GSE1: variants seen among roughly 807,000 people sequenced by gnomAD.
The protein encoded by GSE1 is genetic suppressor element 1.
GSE1 carries 32 observed loss-of-function variants against 112.6 expected under a neutral mutation model. The ratio of observed to expected loss-of-function variants is 0.28; its 90% confidence interval spans 0.21 to 0.38. GSE1 has a LOEUF of 0.38. Among genes scored for constraint, GSE1 ranks in the 10% least tolerant of loss-of-function variants. GSE1 has a pLI of 1.00. For synonymous variants in GSE1, 1,115 were observed against 735.6 expected, an observed-to-expected ratio of 1.52 and a Z score of -8.35; for missense variants, 2,348 against 1,699.2, an observed-to-expected ratio of 1.38 and a Z score of -6.71.
At chr16:85,593,771 T>C (rs2047096441) in intron 1 of GSE1, 1 of 152,220 alleles carries the variant, frequency 6.6e-6, no homozygotes, top group African/African-American at 2.4e-5. Context: ...TGTGGTTAAG[T>C]GGTAAATCAT....
At chr16:85,238,580 C>G (rs1481489708) in intron 1 of GSE1, among the ~76,000 whole-genome samples, 2 of 152,302 alleles carry the variant, frequency 1.3e-5, no homozygotes, top group East Asian at 1.9e-4. Context: ...AGCTCTGCCC[C>G]CACTGGGGCC....
intron 1 of GSE1, among the ~76,000 whole-genome samples, chr16:85,236,590 G>T (rs997235283): frequency 6.6e-6 from 1 of 152,162 alleles, no homozygotes; most frequent in Non-Finnish European, 1.5e-5. Flanking sequence ...AGGCCTGGGG[G>T]TGGGTTGGGC....
chr16:85,315,293 A>G (rs1052533158), intron 1 of GSE1, among the ~76,000 whole-genome samples: 3 of 152,224 alleles, frequency 2.0e-5, no homozygotes, highest in Non-Finnish European at 4.4e-5. Flanking sequence ...GCTCTCCTGC[A>G]GTCCGGTCTC....
At chr16:85,297,202 C>CA (rs1454868032) in intron 1 of GSE1, among the ~76,000 whole-genome samples, 2 of 152,240 alleles carry the variant, frequency 1.3e-5, no homozygotes, top group African/African-American at 4.8e-5. Flanking sequence ...CCAGAGGGCG[C>CA]ACTGGAGTTG....
chr16:85,228,510 C>T lies in GSE1; in HGVS notation c.2283+56703C>T, dbSNP rs117600251. ...GTGGGAGGTGGATAGGGTGTTTACG[C>T]TCCCCAGCCCTAGTGTGCTTTCCTA... On this transcript the variant is annotated intron_variant, in intron 1 of 2. Coordinates refer to the GSE1 transcript ENST00000637419. Among the ~76,000 whole-genome samples the T allele has an allele frequency of 9.1e-3, 1,387 of 152,304 alleles. 10 individuals are homozygous for T. Among genetic ancestry groups the T allele is most frequent in the Non-Finnish European group, 0.016 (1,066 of 68,016 alleles).
At chr16:85,625,996 C>T (rs560310934) in intron 1 of GSE1, among the ~76,000 whole-genome samples, 1 of 152,224 alleles carries the variant, frequency 6.6e-6, no homozygotes, top group African/African-American at 2.4e-5. Context: ...CCTTCTTGTT[C>T]CAGGTCAGGA....
intron 2 of GSE1, among the ~76,000 whole-genome samples, chr16:85,646,875 G>T (rs1157831090): frequency 7.3e-6 from 1 of 137,564 alleles, no homozygotes; most frequent in Admixed American, 7.5e-5. Flanking sequence ...GGTCACGGGG[G>T]CTTGATCCCC....
chr16:85,392,139 T>C (rs1276618128), intron 2 of GSE1, among the ~76,000 whole-genome samples: 1 of 152,268 alleles, frequency 6.6e-6, no homozygotes, highest in South Asian at 2.1e-4. Flanking sequence ...CCTTGATCCT[T>C]GTCCTGGGAT....
chr16:85,337,342 G>T (rs1266521705), intron 1 of GSE1, among the ~76,000 whole-genome samples: 1,222 of 76,390 alleles, frequency 0.016, no homozygotes, highest in African/African-American at 0.02. Context: ...GTCTCGCTCT[G>T]TCGCCCAGGC....
At chr16:85,589,064 CA>C (rs1190628059) in intron 1 of GSE1, among the ~76,000 whole-genome samples, 4 of 152,154 alleles carry the variant, frequency 2.6e-5, no homozygotes, top group Admixed American at 2.0e-4. Flanking sequence ...TCCAGGCCCC[CA>C]AATCCTCCCC....
At chr16:85,664,985 C>T (rs751397656) in intron 11 of GSE1, 30 bp from the exon 12 acceptor site, 15 of 1,347,024 alleles carry the variant, frequency 1.1e-5, no homozygotes, top group Non-Finnish European at 1.5e-5. Flanking sequence ...ATGCAACTGG[C>T]TCGTTAATCT....
intron 2 of GSE1, among the ~76,000 whole-genome samples, chr16:85,500,205 T>C (rs1458472484): frequency 1.3e-5 from 2 of 152,232 alleles, no homozygotes; most frequent in Admixed American, 1.3e-4. Flanking sequence ...GGAAAAGGTT[T>C]GTTCTTTTTT....
chr16:85,461,943 C>T (rs952931210), intron 2 of GSE1, among the ~76,000 whole-genome samples: 2 of 152,198 alleles, frequency 1.3e-5, no homozygotes, highest in Non-Finnish European at 2.9e-5. Flanking sequence ...CTCAGCGCAG[C>T]TTGATTTAGT....
intron 2 of GSE1, among the ~76,000 whole-genome samples, chr16:85,516,661 G>A (rs1052152429): frequency 4.0e-5 from 6 of 151,534 alleles, no homozygotes; most frequent in Non-Finnish European, 5.9e-5. Flanking sequence ...TAGAGGGCCA[G>A]GAGGTGGGCT....
chr16:85,664,803 T>A, intron 11 of GSE1: 2 of 562,470 alleles, frequency 3.6e-6, no homozygotes, highest in South Asian at 4.1e-5. Flanking sequence ...TTGGAGCACG[T>A]CTAGGACATT....
rs372465551 is a variant in GSE1, at chr16:85,239,280, C to T, written c.2283+67473C>T. Among the ~76,000 whole-genome samples the T allele has an allele frequency of 2.6e-5, 4 of 152,206 alleles. No individual in the cohort carries two copies. The East Asian group carries it at 5.8e-4, about 22-fold the overall frequency. ...AGTCATTGGAAGGTGTTAATGGGGG[C>T]GGTGGCCAGAGCTGGGCATTTAAAG... On this transcript the variant is annotated intron_variant, in intron 1 of 2. Transcript: ENST00000637419.
intron 1 of GSE1, among the ~76,000 whole-genome samples, chr16:85,567,017 G>A (rs1343232968): frequency 3.3e-5 from 5 of 151,818 alleles, no homozygotes; most frequent in South Asian, 2.1e-4. Flanking sequence ...AGGGCCCAGG[G>A]ACAAGGTGTT....
At chr16:85,554,218 A>C (rs2151250748), upstream of GSE1, among the ~76,000 whole-genome samples, 1 of 152,286 alleles carries the variant, frequency 6.6e-6, no homozygotes, top group South Asian at 2.1e-4. Flanking sequence ...TGGGCTGGAC[A>C]ATGAGCGCAC....
intron 1 of GSE1, among the ~76,000 whole-genome samples, chr16:85,178,560 A>C (rs1425458703): frequency 6.6e-6 from 1 of 152,086 alleles, no homozygotes; most frequent in Non-Finnish European, 1.5e-5. Context: ...AGCAGATTCA[A>C]GTGCAAGGGT....
Sources: gnomAD v4.1 joint callset for allele counts (sites outside exome capture counted in the v4.1 genomes callset) on GRCh38, gnomAD v4.1.1 for gene constraint, MANE v1.5 for transcripts, NCBI Gene and HGNC (gene_info 2026-07-23, HGNC 2026-07-21) for gene names.